The following KLHL1 variants were observed in gnomAD, a reference collection of about 807,000 sequenced individuals.
The protein encoded by KLHL1 is kelch like family member 1.
Under a neutral mutation model 77.7 loss-of-function variants are expected in KLHL1, and 47 were observed. The observed-to-expected ratio is 0.60, with a 90% CI of 0.48 to 0.77. The LOEUF is 0.77. Ranked by LOEUF, KLHL1 falls within the 30% of genes least tolerant of loss-of-function variation. The pLI, the probability that KLHL1 is intolerant of heterozygous loss-of-function variation, is 0.00. For missense variants in KLHL1, 925 were observed against 910.8 expected (o/e 1.02, Z -0.20); for synonymous variants, 360 against 325.2 (o/e 1.11, Z -1.15).
intron 4 of KLHL1, among the ~76,000 whole-genome samples, chr13:69,928,015 C>A (rs1055033084): frequency 1.3e-5 from 2 of 152,180 alleles, no homozygotes; most frequent in Non-Finnish European, 2.9e-5. Context: ...AATTAGGCTA[C>A]AGTTTGGGCC....
intron 4 of KLHL1, among the ~76,000 whole-genome samples, chr13:69,887,292 A>G (rs116289291): frequency 0.011 from 1,658 of 152,178 alleles, 13 homozygotes; most frequent in Middle Eastern, 0.044. Flanking sequence ...TCAGTCTTCT[A>G]TTTCATCGGA....
intron 1 of KLHL1, among the ~76,000 whole-genome samples, chr13:69,989,213 G>A (rs1418612607): frequency 6.6e-6 from 1 of 152,002 alleles, no homozygotes; most frequent in Non-Finnish European, 1.5e-5. Context: ...TTATTGAATA[G>A]GTAATCCTTT....
intron 6 of KLHL1, among the ~76,000 whole-genome samples, chr13:69,813,039 G>A (rs960385023): frequency 2.9e-4 from 44 of 150,782 alleles, no homozygotes; most frequent in Non-Finnish European, 5.6e-4. Context: ...GTTTATTGTG[G>A]CACTATTCAC....
chr13:69,744,656 A>G (rs1161638446), intron 7 of KLHL1, among the ~76,000 whole-genome samples: 1 of 151,676 alleles, frequency 6.6e-6, no homozygotes, highest in Non-Finnish European at 1.5e-5. Context: ...CCCGAAAGGT[A>G]CACCCCCCCC....
chr13:69,884,981 C>T (rs1413246273), intron 4 of KLHL1, among the ~76,000 whole-genome samples: 9 of 129,728 alleles, frequency 6.9e-5, no homozygotes, highest in South Asian at 2.2e-4. Flanking sequence ...TCGCCCAGGC[C>T]GGACTGCGGA....
intron 3 of KLHL1, among the ~76,000 whole-genome samples, chr13:69,948,095 C>T (rs7337863): frequency 3.3e-4 from 50 of 149,844 alleles, no homozygotes; most frequent in African/African-American, 1.1e-3. Flanking sequence ...AGATTGTTTT[C>T]AAAAAAAAAT....
chr13:69,997,554 T>C (rs551289354), intron 1 of KLHL1, among the ~76,000 whole-genome samples: 2 of 151,236 alleles, frequency 1.3e-5, no homozygotes, highest in African/African-American at 4.8e-5. Context: ...TAAAATTATG[T>C]AGTACTTGTC....
intron 7 of KLHL1, among the ~76,000 whole-genome samples, chr13:69,772,994 G>T (rs528495168): frequency 6.6e-6 from 1 of 152,008 alleles, no homozygotes; most frequent in South Asian, 2.1e-4. Flanking sequence ...ATAATTTCAG[G>T]AAGATCCGAG....
chr13:69,802,135 TGTTA>T (rs1470470914), intron 6 of KLHL1, among the ~76,000 whole-genome samples: 2 of 152,018 alleles, frequency 1.3e-5, no homozygotes, highest in Non-Finnish European at 2.9e-5. Context: ...CCTGTTCCTG[TGTTA>T]GTTTGCTGAG....
chr13:70,086,127 G>A (rs1887530400), intron 1 of KLHL1, among the ~76,000 whole-genome samples: 1 of 152,092 alleles, frequency 6.6e-6, no homozygotes, highest in South Asian at 2.1e-4. Context: ...ATACTGAGAG[G>A]CAGAAGTCTC....
chr13:70,031,668 T>C (rs569271795), intron 1 of KLHL1, among the ~76,000 whole-genome samples: 1 of 152,150 alleles, frequency 6.6e-6, no homozygotes, highest in Non-Finnish European at 1.5e-5. Context: ...GGTAAGCTAC[T>C]TTCAGTGGCC....
intron 7 of KLHL1, among the ~76,000 whole-genome samples, chr13:69,745,486 G>T (rs1874169962): frequency 6.6e-6 from 1 of 151,816 alleles, no homozygotes; most frequent in African/African-American, 2.4e-5. Flanking sequence ...TTGATGAAAA[G>T]GAGTTAAGTT....
At position 70,105,464 on chromosome 13, in the gene KLHL1, T is replaced by C. The variant is rs2137459912; in HGVS notation, c.497+1739A>G. ...AGAAAATATGAAACATTAATATTTC[T>C]AGGAGCTTATTCAAAGAATTTAAAA... On this transcript the variant is annotated intron_variant, in intron 1 of 10. Coordinates refer to ENST00000377844, the MANE Select transcript of KLHL1 (RefSeq NM_020866.3). Among the ~76,000 whole-genome samples, 3 of 151,682 alleles carry C rather than the reference T, an allele frequency of 2.0e-5. No homozygotes were observed. In the South Asian group the frequency reaches 6.3e-4, roughly 32 times the overall value.
At chr13:69,825,368 T>A (rs750815770) in intron 6 of KLHL1, among the ~76,000 whole-genome samples, 1 of 152,062 alleles carries the variant, frequency 6.6e-6, no homozygotes, top group Admixed American at 6.6e-5. Flanking sequence ...TGGTAAAATA[T>A]GATAAAGTTT....
chr13:69,850,935 A>C (rs1008905552), intron 5 of KLHL1, among the ~76,000 whole-genome samples: 4 of 151,540 alleles, frequency 2.6e-5, no homozygotes, highest in African/African-American at 9.7e-5. Context: ...ACTGACTCCT[A>C]GTTTTACCCT....
At chr13:70,098,497 C>T (rs1456380330) in intron 1 of KLHL1, among the ~76,000 whole-genome samples, 1 of 151,668 alleles carries the variant, frequency 6.6e-6, no homozygotes, top group Non-Finnish European at 1.5e-5. Context: ...TTATGAGACA[C>T]TCTTAAATCT....
At chr13:70,080,549 G>T (rs775170102) in intron 1 of KLHL1, among the ~76,000 whole-genome samples, 2 of 151,920 alleles carry the variant, frequency 1.3e-5, no homozygotes, top group Non-Finnish European at 2.9e-5. Flanking sequence ...AATCATGTTA[G>T]ATTTGGTTGT....
rs553070682 is a variant in KLHL1, at chr13:69,828,490, G to C, written c.1414+10486C>G. ...GACCACAGGGAGAAGGAAACCTCCA[G>C]TTGAACTTTCTAATAATTTTGACTG... On this transcript the variant is annotated intron_variant, in intron 6 of 10. Transcript: ENST00000377844. 1.3e-4 allele frequency among the ~76,000 whole-genome samples: 20 copies of C among 150,292 alleles called. 1 individual carries two copies. Among genetic ancestry groups the C allele is most frequent in the Admixed American group, 1.2e-3 (18 of 15,060 alleles).
At chr13:70,095,058 C>T (rs899892459) in intron 1 of KLHL1, among the ~76,000 whole-genome samples, 3 of 152,138 alleles carry the variant, frequency 2.0e-5, no homozygotes, top group East Asian at 1.9e-4. Flanking sequence ...GCTCCTCCAA[C>T]GTAGAATTGA....
Sources: allele counts gnomAD v4.1 joint callset (sites outside exome capture counted in the v4.1 genomes callset), GRCh38; gene constraint gnomAD v4.1.1; transcripts MANE v1.5; gene names NCBI Gene and HGNC (gene_info 2026-07-23, HGNC 2026-07-21).